The following GDA variants were observed in gnomAD, a reference collection of about 807,000 sequenced individuals.
GDA encodes cytoplasmic PSD-95 interactor.
Under a neutral mutation model 59.6 loss-of-function variants are expected in GDA, and 18 were observed. The ratio of observed to expected loss-of-function variants is 0.30; its 90% CI spans 0.21 to 0.45. GDA has a LOEUF of 0.45. Ranked by LOEUF, GDA falls within the 20% of genes least tolerant of loss-of-function variation. GDA has a pLI of 1.00. For synonymous variants in GDA, 201 were observed against 201.1 expected (o/e 1.00, Z 0.00); for missense variants, 427 against 552.3 (o/e 0.77, Z 2.27).
chr9:72,224,218 T>C (rs1837257981), intron 7 of GDA, among the ~76,000 whole-genome samples: 1 of 152,182 alleles, frequency 6.6e-6, no homozygotes, highest in African/African-American at 2.4e-5. Context: ...AAGTTTATCC[T>C]TGCTAGAGAG....
At chr9:72,234,322 A>C (rs1328992087) in intron 10 of GDA, among the ~76,000 whole-genome samples, 1 of 152,196 alleles carries the variant, frequency 6.6e-6, no homozygotes, top group Non-Finnish European at 1.5e-5. Context: ...AATGTTTAAT[A>C]TCTTAGTTTT....
chr9:72,130,947 C>T (rs1022858425), intron 1 of GDA, among the ~76,000 whole-genome samples: 4 of 152,226 alleles, frequency 2.6e-5, no homozygotes, highest in Non-Finnish European at 5.9e-5. Flanking sequence ...ATTGGATGTA[C>T]ACCCTGGGAT....
chr9:72,166,999 A>T (rs1434619690), intron 1 of GDA, among the ~76,000 whole-genome samples: 1 of 152,200 alleles, frequency 6.6e-6, no homozygotes, highest in Non-Finnish European at 1.5e-5. Flanking sequence ...ATGATTTTGA[A>T]ACTGACCCAA....
At chr9:72,117,381 T>A (rs535589662) in intron 1 of GDA, among the ~76,000 whole-genome samples, 3 of 152,180 alleles carry the variant, frequency 2.0e-5, no homozygotes, top group Non-Finnish European at 4.4e-5. Context: ...ATGACCTTTA[T>A]AAAATGATAA....
chr9:72,124,791 G>A (rs1055197788), intron 1 of GDA, among the ~76,000 whole-genome samples: 4 of 152,204 alleles, frequency 2.6e-5, no homozygotes, highest in South Asian at 2.1e-4. Flanking sequence ...TGTATTTTTA[G>A]TAGAGATGGG....
intron 1 of GDA, among the ~76,000 whole-genome samples, chr9:72,165,954 T>G (rs1021640220): frequency 2.0e-5 from 3 of 151,988 alleles, no homozygotes; most frequent in African/African-American, 7.2e-5. Context: ...ATTTTAAGAT[T>G]TCCCCCTTCC....
At chr9:72,198,635 G>A (rs114870713) in intron 2 of GDA, among the ~76,000 whole-genome samples, 1,586 of 150,986 alleles carry the variant, frequency 0.011, 26 homozygotes, top group African/African-American at 0.037. Flanking sequence ...TTTTTTTTGT[G>A]CAATGGAACA....
chr9:72,246,282 G>C (rs1840130519), intron 12 of GDA, among the ~76,000 whole-genome samples: 1 of 151,968 alleles, frequency 6.6e-6, no homozygotes, highest in Non-Finnish European at 1.5e-5. Context: ...CAGGTAGCTG[G>C]GATTACAGGC....
Position 72,249,946 on chromosome 9 carries a change from A to G in GDA, c.*1604A>G. On this transcript the variant is annotated 3_prime_UTR_variant, in exon 14 of 14. Coordinates refer to ENST00000358399, the MANE Select transcript of GDA (RefSeq NM_004293.5). ...CCTAATAGAAATACTTTTAGATTTG[A>G]TTATGTATACATGACACCTAAAGAG... The G allele has an allele frequency of 1.1e-6, 1 of 943,336 alleles. No homozygotes were observed. Among genetic ancestry groups the G allele is most frequent in the Middle Eastern group, 5.5e-4 (1 of 1,824 alleles). 58.4% of individuals were successfully genotyped at this position (943,336 alleles called of 1,614,324 possible). A position where few individuals can be genotyped will look rare whatever the true frequency, so the allele number is the denominator to read the frequency against.
chr9:72,185,788 T>C (rs943328286), intron 1 of GDA, among the ~76,000 whole-genome samples: 3 of 152,194 alleles, frequency 2.0e-5, no homozygotes, highest in Non-Finnish European at 2.9e-5. Flanking sequence ...TTGCAGCAGT[T>C]TTTTTCATTA....
At chr9:72,166,905 CAT>C (rs1347128851) in intron 1 of GDA, among the ~76,000 whole-genome samples, 1 of 152,146 alleles carries the variant, frequency 6.6e-6, no homozygotes, top group African/African-American at 2.4e-5. Context: ...TGCTTAGAAA[CAT>C]ATCATTGTGC....
At chr9:72,147,146 G>T (rs1245023379), upstream of GDA, among the ~76,000 whole-genome samples, 1 of 152,076 alleles carries the variant, frequency 6.6e-6, no homozygotes, top group Non-Finnish European at 1.5e-5. Flanking sequence ...TTCAATTCCA[G>T]CAAATATGCT....
intron 1 of GDA, among the ~76,000 whole-genome samples, chr9:72,130,174 GA>G (rs1436171356): frequency 1.3e-5 from 2 of 152,168 alleles, no homozygotes; most frequent in Non-Finnish European, 2.9e-5. Flanking sequence ...TCACCTTTCT[GA>G]AATAAGATGC....
chr9:72,183,873 T>G (rs1048660855), intron 1 of GDA, among the ~76,000 whole-genome samples: 1 of 152,184 alleles, frequency 6.6e-6, no homozygotes, highest in Non-Finnish European at 1.5e-5. Flanking sequence ...TACCAATGAT[T>G]TATTAGTGGT....
At chr9:72,229,076 C>T (rs1587732133) in intron 9 of GDA, 1 of 151,978 alleles carries the variant, frequency 6.6e-6, no homozygotes, top group African/African-American at 2.5e-5. Flanking sequence ...TGGCTCACAC[C>T]TCTAATCCCA....
At position 72,135,592 on chromosome 9, in the gene GDA, A is replaced by G. The variant is rs532469827; in HGVS notation, c.-100+20759A>G. ...TGTGCTGCTTACTGGAGATAGAAGT[A>G]TGAACAAAGTAGTATTTCTGTCCTC... On this transcript the variant is annotated intron_variant, in intron 1 of 13. Transcript: ENST00000545168. Among the ~76,000 whole-genome samples, 5 of 152,114 alleles carry G rather than the reference A, an allele frequency of 3.3e-5. No individual in the cohort carries two copies. In the South Asian group the frequency reaches 1.0e-3, roughly 32 times the overall value.
chr9:72,124,134 G>T (rs1197709871), intron 1 of GDA, among the ~76,000 whole-genome samples: 1 of 152,040 alleles, frequency 6.6e-6, no homozygotes, highest in African/African-American at 2.4e-5. Flanking sequence ...GAGAAAACAT[G>T]GAAAAGAAAA....
intron 1 of GDA, among the ~76,000 whole-genome samples, chr9:72,154,054 A>C (rs1414198605): frequency 6.6e-6 from 1 of 152,206 alleles, no homozygotes; most frequent in Non-Finnish European, 1.5e-5. Context: ...AAGTTGCCTG[A>C]TTCTTCCCAC....
intron 1 of GDA, among the ~76,000 whole-genome samples, chr9:72,129,401 C>T (rs1825951821): frequency 6.6e-6 from 1 of 152,190 alleles, no homozygotes; most frequent in Admixed American, 6.5e-5. Flanking sequence ...GCATGTTGGC[C>T]ATGGCATCCT....
Sources: allele counts gnomAD v4.1 joint callset (sites outside exome capture counted in the v4.1 genomes callset), GRCh38; gene constraint gnomAD v4.1.1; transcripts MANE v1.5; gene names NCBI Gene and HGNC (gene_info 2026-07-23, HGNC 2026-07-21).